Variants in SKAP2 observed in about 807,000 individuals in gnomAD.
The protein encoded by SKAP2 is src kinase-associated phosphoprotein 2.
A neutral mutation model predicts 54.9 loss-of-function variants in SKAP2; 28 were observed. The observed-to-expected ratio is 0.51, with a 90% CI of 0.38 to 0.70. The LOEUF is 0.70. Ranked by LOEUF, SKAP2 falls within the 30% of genes least tolerant of loss-of-function variation. The pLI is 0.00. For synonymous variants in SKAP2, 137 were observed against 134.3 expected, an observed-to-expected ratio of 1.02 and a Z score of -0.14; for missense variants, 356 against 424.1, an observed-to-expected ratio of 0.84 and a Z score of 1.41.
intron 9 of SKAP2, among the ~76,000 whole-genome samples, chr7:26,720,404 A>T (rs1303085213): frequency 6.6e-6 from 1 of 152,262 alleles, no homozygotes. Context: ...ACTATGAACA[A>T]ATATTCAGCA....
chr7:26,739,641 A>G (rs538194840), intron 5 of SKAP2, among the ~76,000 whole-genome samples: 1 of 152,354 alleles, frequency 6.6e-6, no homozygotes, highest in East Asian at 1.9e-4. Flanking sequence ...GGCAGGAAAC[A>G]GCTCCTGAAT....
At chr7:26,710,087 G>A (rs1787267081) in intron 9 of SKAP2, among the ~76,000 whole-genome samples, 2 of 152,172 alleles carry the variant, frequency 1.3e-5, no homozygotes, top group Admixed American at 6.5e-5. Flanking sequence ...TAAAGAGAAA[G>A]TTTCTCTTAA....
chr7:26,847,663 G>A (rs1784954467), intron 3 of SKAP2, among the ~76,000 whole-genome samples: 1 of 152,174 alleles, frequency 6.6e-6, no homozygotes, highest in Admixed American at 6.5e-5. Flanking sequence ...AATGTCTACA[G>A]AATCATTAGT....
intron 11 of SKAP2, among the ~76,000 whole-genome samples, chr7:26,681,618 T>TA (rs1235957236): frequency 6.6e-6 from 1 of 152,218 alleles, no homozygotes; most frequent in East Asian, 1.9e-4. Context: ...TTTTAGAAGG[T>TA]AAATCAAACA....
At chr7:26,688,289 A>G (rs915749064) in intron 10 of SKAP2, among the ~76,000 whole-genome samples, 4 of 152,224 alleles carry the variant, frequency 2.6e-5, no homozygotes, top group Non-Finnish European at 4.4e-5. Flanking sequence ...TATTTTATAT[A>G]TATACTCATC....
At chr7:26,704,718 A>AG (rs777267125) in intron 9 of SKAP2, among the ~76,000 whole-genome samples, 6 of 152,196 alleles carry the variant, frequency 3.9e-5, no homozygotes, top group African/African-American at 7.2e-5. Context: ...TAGAACCTGC[A>AG]GGGGGAAGAA....
chr7:26,695,761 T>C (rs1786881285), intron 9 of SKAP2, among the ~76,000 whole-genome samples: 1 of 152,198 alleles, frequency 6.6e-6, no homozygotes. Context: ...CCAAAATATA[T>C]GGTCTTCTTT....
At position 26,717,509 on chromosome 7, in the gene SKAP2, C is replaced by CAAAAAAAAAAAAAAAAAAAAAAAAAA. The variant is rs58826714; in HGVS notation, c.796+7893_796+7918dup. ...TGGGTGACAGAGCAAGACCCCATCT[C>CAAAAAAAAAAAAAAAAAAAAAAAAAA]AAAAAAAAAAAAAAAAAAAAAAAAA... On this transcript the variant is annotated intron_variant, in intron 9 of 12. Coordinates refer to ENST00000345317, the MANE Select transcript of SKAP2 (RefSeq NM_003930.5). Among the ~76,000 whole-genome samples the CAAAAAAAAAAAAAAAAAAAAAAAAAA allele has an allele frequency of 3.0e-4, 7 of 23,134 alleles. 1 individual carries two copies. Among genetic ancestry groups the CAAAAAAAAAAAAAAAAAAAAAAAAAA allele is most frequent in the Non-Finnish European group, 4.2e-4 (4 of 9,594 alleles). The allele number at this position is 23,134 out of a possible 152,430, so 15.2% of individuals were successfully genotyped here. A position where few individuals can be genotyped will look rare whatever the true frequency, so the allele number is the denominator to read the frequency against.
rs1220064250 is a variant in SKAP2 at position 26,667,303 on chromosome 7, C to T, written c.*2363G>A. Reference sequence around the variant, plus strand: ...CCATAGCAATTAGCATATTTTCTAACAAGCCATGTTGTTTAAATTTATATT... The same window carrying T: ...CCATAGCAATTAGCATATTTTCTAATAAGCCATGTTGTTTAAATTTATATT... On this transcript the variant is annotated 3_prime_UTR_variant, in exon 13 of 13. Transcript: ENST00000345317. The T allele has an allele frequency of 1.3e-5, 2 of 152,066 alleles. No individual in the cohort carries two copies. Among genetic ancestry groups the T allele is most frequent in the Admixed American group, 1.3e-4 (2 of 15,266 alleles). 9.4% of individuals were successfully genotyped at this position (152,066 alleles called of 1,614,324 possible).
chr7:26,712,140 G>A (rs1466464806), intron 9 of SKAP2, among the ~76,000 whole-genome samples: 2 of 152,116 alleles, frequency 1.3e-5, no homozygotes, highest in Non-Finnish European at 1.5e-5. Context: ...GACTAGAAGC[G>A]TTTCAAATTT....
At chr7:26,777,776 A>G (rs1359130582) in intron 4 of SKAP2, among the ~76,000 whole-genome samples, 1 of 152,110 alleles carries the variant, frequency 6.6e-6, no homozygotes, top group Non-Finnish European at 1.5e-5. Flanking sequence ...TCTAGGGAGG[A>G]GTAATAAGAA....
chr7:26,671,846 G>A (rs1284656453), intron 11 of SKAP2, among the ~76,000 whole-genome samples: 2 of 151,958 alleles, frequency 1.3e-5, no homozygotes, highest in Non-Finnish European at 1.5e-5. Context: ...GTCATGATTA[G>A]CAACGATTAT....
intron 10 of SKAP2, among the ~76,000 whole-genome samples, chr7:26,689,554 A>T (rs1786733055): frequency 6.6e-6 from 1 of 152,202 alleles, no homozygotes; most frequent in South Asian, 2.1e-4. Context: ...GAAATGGATA[A>T]GGGGAACATC....
At chr7:26,771,354 T>C (rs968789731) in intron 4 of SKAP2, among the ~76,000 whole-genome samples, 3 of 152,178 alleles carry the variant, frequency 2.0e-5, no homozygotes, top group Non-Finnish European at 4.4e-5. Flanking sequence ...AATTTAGCCT[T>C]GGTTTAAAGG....
At chr7:26,684,086 A>C (rs1423294823) in intron 11 of SKAP2, among the ~76,000 whole-genome samples, 12 of 152,140 alleles carry the variant, frequency 7.9e-5, no homozygotes, top group Non-Finnish European at 1.5e-5. Context: ...TTTAGATCTA[A>C]GGACAAAAAG....
chr7:26,824,585 T>C (rs79186604), intron 4 of SKAP2, among the ~76,000 whole-genome samples: 8 of 152,280 alleles, frequency 5.3e-5, no homozygotes, highest in Non-Finnish European at 1.2e-4. Flanking sequence ...ACTGTCTCAA[T>C]TTTAAACCAA....
At chr7:26,658,896 G>A in the SKAP2 span, among the ~76,000 whole-genome samples, 5 of 151,682 alleles carry the variant, frequency 3.3e-5, no homozygotes, top group South Asian at 2.1e-4. Flanking sequence ...AGGGATGCCC[G>A]TGGATTTCCA....
At chr7:26,704,772 G>A (rs1256956441) in intron 9 of SKAP2, among the ~76,000 whole-genome samples, 3 of 152,156 alleles carry the variant, frequency 2.0e-5, no homozygotes, top group African/African-American at 7.2e-5. Flanking sequence ...AGGTCTTGAT[G>A]CTCATTCTTG....
chr7:26,849,388 T>C (rs1025742760), intron 3 of SKAP2, among the ~76,000 whole-genome samples: 13 of 152,128 alleles, frequency 8.5e-5, no homozygotes, highest in African/African-American at 1.2e-4. Flanking sequence ...TTCCCCTTTT[T>C]CAAAACTGTA....
Sources: gnomAD v4.1 joint callset for allele counts (sites outside exome capture counted in the v4.1 genomes callset) on GRCh38, gnomAD v4.1.1 for gene constraint, MANE v1.5 for transcripts, NCBI Gene and HGNC (gene_info 2026-07-23, HGNC 2026-07-21) for gene names.